The following FHIT variants were observed in gnomAD, a reference collection of about 807,000 sequenced individuals.
FHIT encodes bis(5'-adenosyl)-triphosphatase.
Under a neutral mutation model 17.9 loss-of-function variants are expected in FHIT, and 19 were observed. The ratio of observed to expected loss-of-function variants is 1.06; its 90% confidence interval spans 0.74 to 1.56. The LOEUF is 1.56. Ranked by LOEUF, FHIT falls within the 40% of genes most tolerant of loss-of-function variation. The probability of loss-of-function intolerance (pLI) is 0.00; values close to 1 mark genes in which losing one functional copy is unlikely to be tolerated. For missense variants in FHIT, 248 were observed against 189.2 expected, an observed-to-expected ratio of 1.31 and a Z score of -1.82; for synonymous variants, 81 against 69.7, an observed-to-expected ratio of 1.16 and a Z score of -0.81.
intron 4 of FHIT, among the ~76,000 whole-genome samples, chr3:60,764,525 T>C (rs1699781184): frequency 6.6e-6 from 1 of 152,092 alleles, no homozygotes. Flanking sequence ...AAACCTGGGG[T>C]AGCAAAGAGC....
chr3:60,232,123 C>A (rs1158963335), intron 5 of FHIT, among the ~76,000 whole-genome samples: 1 of 152,126 alleles, frequency 6.6e-6, no homozygotes, highest in African/African-American at 2.4e-5. Flanking sequence ...CATTATTTTT[C>A]AAGCCAGCCC....
rs1316187359 is a variant in FHIT, at chr3:60,919,499, G to C, written c.-110-97488C>G. Among the ~76,000 whole-genome samples, 5 of 151,240 alleles carry C rather than the reference G, an allele frequency of 3.3e-5. No individual in the cohort carries two copies. The East Asian group carries it at 9.7e-4, about 29-fold the overall frequency. On this transcript the variant is annotated intron_variant, in intron 3 of 9. Transcript: ENST00000492590. ...ATAGGGTAATCTGCAGAAATGCTTA[G>C]AAAGTGTATTCATGGTGTGGAGAAA...
intron 3 of FHIT, among the ~76,000 whole-genome samples, chr3:60,985,654 C>A (rs1183831087): frequency 6.6e-6 from 1 of 152,168 alleles, no homozygotes; most frequent in Non-Finnish European, 1.5e-5. Flanking sequence ...CTTGCTAAAC[C>A]ACAGATTGGT....
At chr3:59,781,737 CACG>C (rs1322663238) in intron 8 of FHIT, among the ~76,000 whole-genome samples, 1 of 152,142 alleles carries the variant, frequency 6.6e-6, no homozygotes, top group Non-Finnish European at 1.5e-5. Context: ...GTATTGAAAC[CACG>C]ACATTTTTTT....
At chr3:60,464,043 C>T (rs1316094212) in intron 5 of FHIT, among the ~76,000 whole-genome samples, 1 of 152,140 alleles carries the variant, frequency 6.6e-6, no homozygotes, top group African/African-American at 2.4e-5. Flanking sequence ...GAATCATCAT[C>T]ATAACATCCT....
intron 5 of FHIT, among the ~76,000 whole-genome samples, chr3:60,095,423 A>G (rs1312641300): frequency 6.6e-6 from 1 of 152,166 alleles, no homozygotes; most frequent in East Asian, 1.9e-4. Context: ...TCCCGTGTAC[A>G]TTTCAGAGAA....
At chr3:60,328,357 G>C (rs1709801993) in intron 5 of FHIT, among the ~76,000 whole-genome samples, 1 of 152,230 alleles carries the variant, frequency 6.6e-6, no homozygotes, top group Non-Finnish European at 1.5e-5. Flanking sequence ...ATAAGAAAAA[G>C]AGGTTTAATG....
At chr3:60,775,246 AAC>A (rs1248197273) in intron 4 of FHIT, among the ~76,000 whole-genome samples, 3 of 152,190 alleles carry the variant, frequency 2.0e-5, no homozygotes, top group African/African-American at 7.2e-5. Context: ...TCCACCTGTA[AAC>A]ACCAGGTAAA....
chr3:61,157,485 A>C (rs2037565854), intron 2 of FHIT, among the ~76,000 whole-genome samples: 1 of 152,178 alleles, frequency 6.6e-6, no homozygotes, highest in Admixed American at 6.5e-5. Context: ...TTACTGTAGC[A>C]AAGGAGAAAG....
intron 4 of FHIT, among the ~76,000 whole-genome samples, chr3:60,792,158 A>G (rs1700800321): frequency 6.6e-6 from 1 of 152,180 alleles, no homozygotes; most frequent in South Asian, 2.1e-4. Flanking sequence ...AGACCTCCTC[A>G]CACTCCTCTT....
intron 3 of FHIT, among the ~76,000 whole-genome samples, chr3:60,929,366 A>G (rs762244709): frequency 4.6e-5 from 7 of 152,222 alleles, no homozygotes; most frequent in Admixed American, 6.5e-5. Context: ...GGCCAGGGCA[A>G]TTAGGCAGGA....
At chr3:60,947,228 C>T (rs1172232380) in intron 3 of FHIT, among the ~76,000 whole-genome samples, 8 of 152,112 alleles carry the variant, frequency 5.3e-5, no homozygotes, top group Non-Finnish European at 1.0e-4. Flanking sequence ...TTTATTTCAG[C>T]CTCCTCTCAG....
intron 8 of FHIT, among the ~76,000 whole-genome samples, chr3:59,860,854 T>C (rs1287644580): frequency 6.6e-6 from 1 of 152,182 alleles, no homozygotes; most frequent in Non-Finnish European, 1.5e-5. Context: ...GTGGGAATTA[T>C]ACATTGAAAT....
intron 5 of FHIT, among the ~76,000 whole-genome samples, chr3:60,059,972 C>T (rs1193253040): frequency 6.6e-6 from 1 of 152,186 alleles, no homozygotes; most frequent in Non-Finnish European, 1.5e-5. Context: ...TAACCGTGCT[C>T]CATGAGTTGT....
intron 5 of FHIT, among the ~76,000 whole-genome samples, chr3:60,056,188 ATTTC>A (rs974644800): frequency 6.6e-6 from 1 of 152,122 alleles, no homozygotes; most frequent in Non-Finnish European, 1.5e-5. Flanking sequence ...TTTCTGCCTT[ATTTC>A]TTTAAGTTTC....
At position 60,377,258 on chromosome 3, in the gene FHIT, G is replaced by C. The variant is rs565694203; in HGVS notation, c.103+159602C>G. On this transcript the variant is annotated intron_variant, in intron 5 of 9. Coordinates refer to ENST00000492590, the MANE Select transcript of FHIT (RefSeq NM_002012.4). ...CTCTGTCCCAGGCCGGAGTGCAGTGGTGCGATCTCGGCGATGCCTCAGCCT... is the reference window on the plus strand; with the variant it reads ...CTCTGTCCCAGGCCGGAGTGCAGTGCTGCGATCTCGGCGATGCCTCAGCCT... 9.4e-4 allele frequency among the ~76,000 whole-genome samples: 142 copies of C among 150,294 alleles called. 1 individual carries two copies. Among genetic ancestry groups the C allele is most frequent in the African/African-American group, 3.2e-3 (131 of 40,804 alleles).
intron 5 of FHIT, among the ~76,000 whole-genome samples, chr3:60,448,841 C>T (rs1477760716): frequency 6.6e-6 from 1 of 152,124 alleles, no homozygotes; most frequent in Non-Finnish European, 1.5e-5. Context: ...ATCTTTATAG[C>T]TAGTTGAAAT....
At chr3:60,381,473 C>A (rs1318574302) in intron 5 of FHIT, among the ~76,000 whole-genome samples, 8 of 146,088 alleles carry the variant, frequency 5.5e-5, no homozygotes, top group African/African-American at 1.8e-4. Context: ...AGCAAAACTC[C>A]ATCTCAAAAA....
chr3:60,292,454 T>C (rs539402155), intron 5 of FHIT, among the ~76,000 whole-genome samples: 1 of 152,248 alleles, frequency 6.6e-6, no homozygotes, highest in African/African-American at 2.4e-5. Context: ...AACTTGGATG[T>C]TAGCTGCCGT....
Sources: allele counts gnomAD v4.1 joint callset (sites outside exome capture counted in the v4.1 genomes callset), GRCh38; gene constraint gnomAD v4.1.1; transcripts MANE v1.5; gene names NCBI Gene and HGNC (gene_info 2026-07-23, HGNC 2026-07-21).